Variants in PARPBP observed in about 807,000 individuals in gnomAD.
PARPBP encodes PCNA-interacting partner.
Under a neutral mutation model 50.0 loss-of-function variants are expected in PARPBP, and 52 were observed. That is an observed-to-expected ratio of 1.04 (90% CI 0.83 to 1.31). The LOEUF (loss-of-function observed/expected upper bound fraction) is 1.31. Among genes scored for constraint, PARPBP ranks in the 50% most tolerant of loss-of-function variants. The probability of loss-of-function intolerance (pLI) is 0.00; values close to 1 mark genes in which losing one functional copy is unlikely to be tolerated. For missense variants in PARPBP, 697 were observed against 672.0 expected (o/e 1.04, Z -0.41); for synonymous variants, 244 against 232.1 (o/e 1.05, Z -0.47).
intron 9 of PARPBP, among the ~76,000 whole-genome samples, chr12:102,191,445 GAATATTT>G (rs1399707623): frequency 6.6e-6 from 1 of 152,022 alleles, no homozygotes. Context: ...GGTAAACTTA[GAATATTT>G]TTAGTTACAT....
chr12:102,142,633 T>G (rs779546402), intron 2 of PARPBP, among the ~76,000 whole-genome samples: 3 of 151,786 alleles, frequency 2.0e-5, no homozygotes, highest in Non-Finnish European at 4.4e-5. Flanking sequence ...TTTATCTACC[T>G]TTGGTCTTTG....
At chr12:102,129,857 TC>T (rs1280841467) in intron 2 of PARPBP, among the ~76,000 whole-genome samples, 1 of 152,150 alleles carries the variant, frequency 6.6e-6, no homozygotes, top group African/African-American at 2.4e-5. Flanking sequence ...CTGTCAAACT[TC>T]CAGTGACATT....
At chr12:102,146,458 C>A (rs1341198868) in intron 2 of PARPBP, among the ~76,000 whole-genome samples, 1 of 152,064 alleles carries the variant, frequency 6.6e-6, no homozygotes, top group Non-Finnish European at 1.5e-5. Flanking sequence ...GAAAAACAAG[C>A]AATAGGGAAA....
intron 7 of PARPBP, 39 bp downstream of exon 7, chr12:102,175,705 A>G: frequency 7.9e-7 from 1 of 1,268,310 alleles, no homozygotes; most frequent in Non-Finnish European, 1.1e-6. Flanking sequence ...TTTTATACAA[A>G]TCATTATCTC....
At chr12:102,176,245 G>T (rs766978732) in intron 7 of PARPBP, among the ~76,000 whole-genome samples, 1 of 152,024 alleles carries the variant, frequency 6.6e-6, no homozygotes, top group Non-Finnish European at 1.5e-5. Flanking sequence ...GCCTCCCAAA[G>T]TGCTGGGATT....
At chr12:102,188,373 G>T (rs1366706589) in intron 9 of PARPBP, among the ~76,000 whole-genome samples, 1 of 151,812 alleles carries the variant, frequency 6.6e-6, no homozygotes, top group Non-Finnish European at 1.5e-5. Flanking sequence ...CCAGATTTTA[G>T]GCCAGAGGTG....
intron 6 of PARPBP, among the ~76,000 whole-genome samples, chr12:102,173,639 A>G (rs1888973117): frequency 6.6e-6 from 1 of 152,016 alleles, no homozygotes; most frequent in South Asian, 2.1e-4. Context: ...CATAGAATAA[A>G]TCTAGTAAAA....
At position 102,123,958 on chromosome 12, in the gene PARPBP, T is replaced by C. The variant is rs1429510403; in HGVS notation, c.70T>C (p.Cys24Arg). 6.5e-7 allele frequency: 1 copy of C among 1,534,816 alleles called. No individual in the cohort carries two copies. Among genetic ancestry groups the C allele is most frequent in the Non-Finnish European group, 8.7e-7 (1 of 1,145,834 alleles). The stretch of plus-strand genomic sequence containing the variant: ...GTTTCGAAAAAATTGGCGTGCTCTT[T>C]GTAACTCTGAGAGAACTACTCTATG... ...KEFRKNWRALCNSERTTLCGA... is the reference protein window; with the variant it reads ...KEFRKNWRALRNSERTTLCGA... The change falls in exon 2 of 11, where the codon TGT (cysteine) becomes CGT (arginine). Residue 24 changes from cysteine (C) to arginine (R), a missense_variant. Cys to Arg is a radical substitution (Grantham distance 180). Transcript: ENST00000327680.
At chr12:102,183,468 T>C (rs2137012719) in intron 9 of PARPBP, among the ~76,000 whole-genome samples, 1 of 152,284 alleles carries the variant, frequency 6.6e-6, no homozygotes, top group African/African-American at 2.4e-5. Flanking sequence ...ACCCATTTAG[T>C]TTATTTATTA....
chr12:102,149,787 C>T (rs929112318), intron 3 of PARPBP, among the ~76,000 whole-genome samples: 2 of 152,172 alleles, frequency 1.3e-5, no homozygotes, highest in African/African-American at 4.8e-5. Context: ...CAAAACATAT[C>T]CGCACACATG....
chr12:102,151,598 G>A (rs960748313), intron 3 of PARPBP: 5 of 1,535,646 alleles, frequency 3.3e-6, no homozygotes, highest in Non-Finnish European at 4.4e-6. Flanking sequence ...CCTTCAGAAA[G>A]AGGAAGCTTG....
intron 2 of PARPBP, among the ~76,000 whole-genome samples, chr12:102,139,396 G>T (rs1438727438): frequency 1.3e-5 from 2 of 152,156 alleles, no homozygotes; most frequent in African/African-American, 4.8e-5. Context: ...AGACGATGGG[G>T]TTTTCTAAAT....
At chr12:102,193,928 A>C (rs1891030214) in intron 9 of PARPBP, among the ~76,000 whole-genome samples, 1 of 151,964 alleles carries the variant, frequency 6.6e-6, no homozygotes, top group African/African-American at 2.4e-5. Context: ...AGTTTTGTGC[A>C]TTTTATGCTT....
At chr12:102,131,899 C>T (rs532577198) in intron 2 of PARPBP, among the ~76,000 whole-genome samples, 21 of 152,136 alleles carry the variant, frequency 1.4e-4, no homozygotes, top group South Asian at 4.2e-4. Context: ...GGCTTAATAC[C>T]GGGGTGACAA....
chr12:102,166,547 G>A (rs908782028), intron 6 of PARPBP, among the ~76,000 whole-genome samples: 1 of 152,076 alleles, frequency 6.6e-6, no homozygotes, highest in East Asian at 1.9e-4. Flanking sequence ...CAGACATTGT[G>A]CTAAGTTCTT....
rs574095532 is a variant in PARPBP, at chr12:102,137,095, A to G, written c.154-11135A>G. Among the ~76,000 whole-genome samples the G allele has an allele frequency of 8.8e-4, 134 of 152,144 alleles. 1 individual carries two copies. The highest frequency in any genetic ancestry group is 3.1e-3 in the African/African-American group (129 of 41,502). ...TCAGCCTCCTGAGTAGCTGGACTAC[A>G]GGCACCCACCACCACGCCTAGCTAA... On this transcript the variant is annotated intron_variant, in intron 2 of 10. Transcript: ENST00000327680.
intron 6 of PARPBP, among the ~76,000 whole-genome samples, chr12:102,167,680 A>G (rs1447276196): frequency 1.3e-5 from 2 of 152,104 alleles, no homozygotes; most frequent in Non-Finnish European, 2.9e-5. Context: ...TCTGGCTAGC[A>G]ATATTCTGGG....
chr12:102,153,001 CATA>C (rs1336777673), intron 3 of PARPBP, among the ~76,000 whole-genome samples: 1 of 149,844 alleles, frequency 6.7e-6, no homozygotes, highest in Non-Finnish European at 1.5e-5. Context: ...TAATTAAGTA[CATA>C]ATAATTTGAT....
intron 2 of PARPBP, among the ~76,000 whole-genome samples, chr12:102,135,572 A>G (rs977890107): frequency 2.6e-5 from 4 of 151,928 alleles, no homozygotes; most frequent in African/African-American, 9.7e-5. Flanking sequence ...TGACAAGGCA[A>G]AGGAACTTGG....
Sources: gnomAD v4.1 joint callset for allele counts (sites outside exome capture counted in the v4.1 genomes callset) on GRCh38, gnomAD v4.1.1 for gene constraint, MANE v1.5 for transcripts, NCBI Gene and HGNC (gene_info 2026-07-23, HGNC 2026-07-21) for gene names.